TTC27: variants seen among roughly 807,000 people sequenced by gnomAD.
The protein encoded by TTC27 is tetratricopeptide repeat protein 27.
In TTC27, 79 loss-of-function variants were observed where a neutral mutation model predicts 115.9. That is an observed-to-expected ratio of 0.68 (90% CI 0.57 to 0.82). TTC27 has a LOEUF of 0.82. TTC27 is among the 40% of genes least tolerant of loss of function. The probability of loss-of-function intolerance (pLI) is 0.00; values close to 1 mark genes in which losing one functional copy is unlikely to be tolerated. For synonymous variants in TTC27, 401 were observed against 356.0 expected (o/e 1.13, Z -1.42); for missense variants, 1,054 against 993.1 (o/e 1.06, Z -0.82).
At chr2:32,749,967 T>G (rs559805612) in intron 12 of TTC27, among the ~76,000 whole-genome samples, 1 of 151,962 alleles carries the variant, frequency 6.6e-6, no homozygotes, top group South Asian at 2.1e-4. Flanking sequence ...CCACTTTGAG[T>G]ATTTTAGAGA....
At chr2:32,784,009 C>T (rs1411652656) in intron 15 of TTC27, among the ~76,000 whole-genome samples, 1 of 152,186 alleles carries the variant, frequency 6.6e-6, no homozygotes, top group African/African-American at 2.4e-5. Context: ...ATCTGTTCTA[C>T]CATTCTCTTT....
At chr2:32,720,442 A>T (rs1254720740) in intron 10 of TTC27, among the ~76,000 whole-genome samples, 4 of 152,206 alleles carry the variant, frequency 2.6e-5, no homozygotes, top group Non-Finnish European at 5.9e-5. Flanking sequence ...CACTTCAATA[A>T]TCTGAGAGCT....
intron 11 of TTC27, among the ~76,000 whole-genome samples, chr2:32,735,127 T>C (rs547203043): frequency 9.8e-5 from 15 of 152,322 alleles, no homozygotes; most frequent in African/African-American, 3.4e-4. Context: ...ATTATAAGAC[T>C]TCTTAAAGTA....
chr2:32,650,056 TA>T, intron 4 of TTC27, 74 bp from the exon 5 acceptor site: 1 of 1,261,422 alleles, frequency 7.9e-7, no homozygotes, highest in Non-Finnish European at 1.1e-6. Flanking sequence ...AAAAAAATTC[TA>T]AAAATCTCAG....
intron 10 of TTC27, among the ~76,000 whole-genome samples, chr2:32,723,875 C>G (rs1270848215): frequency 6.6e-6 from 1 of 151,162 alleles, no homozygotes; most frequent in East Asian, 1.9e-4. Flanking sequence ...TCATAGCTCA[C>G]TGCATCCTCA....
At chr2:32,690,530 A>T (rs13009977) in intron 9 of TTC27, among the ~76,000 whole-genome samples, 25 of 152,132 alleles carry the variant, frequency 1.6e-4, no homozygotes, top group African/African-American at 6.0e-4. Flanking sequence ...TGAGCAGTCA[A>T]AGAAGGCTTT....
At chr2:32,673,546 G>A (rs1468929668) in intron 8 of TTC27, among the ~76,000 whole-genome samples, 1 of 152,082 alleles carries the variant, frequency 6.6e-6, no homozygotes, top group Non-Finnish European at 1.5e-5. Context: ...GTTTTTAGCT[G>A]GGATGTCAGA....
intron 10 of TTC27, among the ~76,000 whole-genome samples, chr2:32,714,437 C>T (rs988005800): frequency 4.6e-5 from 7 of 152,096 alleles, no homozygotes; most frequent in Middle Eastern, 3.2e-3. Flanking sequence ...GGATTACAGG[C>T]GTGAGCCACT....
At chr2:32,663,335 G>A (rs796520179) in intron 5 of TTC27, among the ~76,000 whole-genome samples, 2 of 152,322 alleles carry the variant, frequency 1.3e-5, no homozygotes, top group African/African-American at 4.8e-5. Flanking sequence ...TGGCCTGCAG[G>A]TTGAGAAGAC....
At chr2:32,741,667 A>AACAAC (rs1558319689) in intron 12 of TTC27, among the ~76,000 whole-genome samples, 1 of 146,218 alleles carries the variant, frequency 6.8e-6, no homozygotes, top group East Asian at 2.0e-4. Flanking sequence ...ACAAAAAACA[A>AACAAC]AACAACAACA....
intron 15 of TTC27, among the ~76,000 whole-genome samples, chr2:32,783,497 GC>G (rs1670250008): frequency 6.6e-6 from 1 of 152,246 alleles, no homozygotes; most frequent in Non-Finnish European, 1.5e-5. Context: ...AAGTAAAATT[GC>G]TGCATCTTCT....
At chr2:32,705,833 C>T (rs774143838) in intron 10 of TTC27, among the ~76,000 whole-genome samples, 4 of 152,100 alleles carry the variant, frequency 2.6e-5, no homozygotes, top group South Asian at 2.1e-4. Context: ...GGATTATAGG[C>T]GGGAGCCACC....
Position 32,650,147 on chromosome 2 carries a change from C to A in TTC27, c.554C>A (p.Thr185Asn). Residue 185 changes from threonine (T) to asparagine (N), a missense_variant, in exon 5 of 20, where the codon ACT becomes AAT. Coordinates refer to ENST00000317907, the MANE Select transcript of TTC27 (RefSeq NM_017735.5). ...TTTTCCTAGAGCTTGCCATGGTGGACTTTGAGATGTGTGAATATTCATCAG... is the reference window on the plus strand; with the variant it reads ...TTTTCCTAGAGCTTGCCATGGTGGAATTTGAGATGTGTGAATATTCATCAG... ...LTAIQSLPWW[T>N]LRCVNIHQHL... The A allele has an allele frequency of 6.2e-7, 1 of 1,613,618 alleles. No homozygotes were observed. Among genetic ancestry groups the A allele is most frequent in the Non-Finnish European group, 8.5e-7 (1 of 1,179,710 alleles).
chr2:32,811,231 T>G lies in TTC27; in HGVS notation c.2196+10T>G. On this transcript the variant is annotated intron_variant, in intron 17 of 19. Transcript: ENST00000317907. ...TGATGAAAATGAAAAGGCAAGTCCT[T>G]CATTCCTCCTGAGTCCTTGCCTTTC... 1.2e-6 allele frequency: 2 copies of G among 1,610,144 alleles called. No homozygotes were observed. Among genetic ancestry groups the G allele is most frequent in the Non-Finnish European group, 1.7e-6 (2 of 1,177,826 alleles).
intron 10 of TTC27, among the ~76,000 whole-genome samples, chr2:32,720,996 T>C (rs17012134): frequency 0.12 from 17,549 of 152,238 alleles, 1,192 homozygotes; most frequent in Middle Eastern, 0.24. Flanking sequence ...CAGCTGCCAT[T>C]ATGGAGTCAT....
chr2:32,795,725 GTATTAT>G (rs3081615), intron 16 of TTC27, among the ~76,000 whole-genome samples: 92 of 138,698 alleles, frequency 6.6e-4, no homozygotes, highest in Non-Finnish European at 9.7e-4. Context: ...GCTAATTTTT[GTATTAT>G]TATTATTATT....
intron 14 of TTC27, 65 bp downstream of exon 14, chr2:32,778,045 G>C: frequency 4.6e-6 from 7 of 1,510,906 alleles, no homozygotes; most frequent in South Asian, 1.1e-5. Flanking sequence ...AAATTGTACT[G>C]TATGGTTCAG....
chr2:32,812,501 C>T lies in TTC27; in HGVS notation c.2197-3C>T. On this transcript the variant is annotated splice_polypyrimidine_tract_variant and splice_region_variant and intron_variant, in intron 17 of 19. Coordinates refer to ENST00000317907, the MANE Select transcript of TTC27 (RefSeq NM_017735.5). The stretch of plus-strand genomic sequence containing the variant: ...CTGAATGTTGTTCTTTCTCCTTCCT[C>T]AGGCATTCCAGTGCCTCTCAAAGGC... 6.3e-7 allele frequency: 1 copy of T among 1,598,548 alleles called. No homozygotes were observed. The highest frequency in any genetic ancestry group is 8.6e-7 in the Non-Finnish European group (1 of 1,166,574).
chr2:32,731,929 TA>T (rs1231926462), intron 10 of TTC27, among the ~76,000 whole-genome samples: 1 of 152,092 alleles, frequency 6.6e-6, no homozygotes, highest in Non-Finnish European at 1.5e-5. Context: ...CTAGTTTTAG[TA>T]ACTATAGCCA....
Sources: allele counts gnomAD v4.1 joint callset (sites outside exome capture counted in the v4.1 genomes callset), GRCh38; gene constraint gnomAD v4.1.1; transcripts MANE v1.5; gene names NCBI Gene and HGNC (gene_info 2026-07-23, HGNC 2026-07-21).